GPR155: variants seen among roughly 807,000 people sequenced by gnomAD.
GPR155 encodes the protein lysosomal cholesterol signaling protein.
Under a neutral mutation model 93.1 loss-of-function variants are expected in GPR155, and 65 were observed. The ratio of observed to expected loss-of-function variants is 0.70; its 90% CI spans 0.57 to 0.86. The LOEUF is 0.86. GPR155 is among the 40% of genes least tolerant of loss of function. The pLI is 0.00. For missense variants in GPR155, 838 were observed against 1,034.8 expected, an observed-to-expected ratio of 0.81 and a Z score of 2.61; for synonymous variants, 319 against 360.1, an observed-to-expected ratio of 0.89 and a Z score of 1.29.
chr2:174,448,085 T>G (rs1026458356), intron 11 of GPR155, among the ~76,000 whole-genome samples: 4 of 152,124 alleles, frequency 2.6e-5, no homozygotes, highest in African/African-American at 7.2e-5. Context: ...GATTTAAATG[T>G]AATGTCTCAG....
At chr2:174,474,786 C>T (rs1350332030) in intron 2 of GPR155, among the ~76,000 whole-genome samples, 6 of 152,116 alleles carry the variant, frequency 3.9e-5, no homozygotes. Context: ...TCCTGGTAGA[C>T]GTGAGGGTTG....
At chr2:174,475,250 C>G (rs996336134) in intron 2 of GPR155, among the ~76,000 whole-genome samples, 12 of 126,510 alleles carry the variant, frequency 9.5e-5, no homozygotes, top group African/African-American at 2.9e-4. Context: ...AGCCGAGATC[C>G]CGCCACTGCA....
At chr2:174,465,759 C>A (rs759049747) in intron 7 of GPR155, 26 bp downstream of exon 7, 1 of 1,116,350 alleles carries the variant, frequency 9.0e-7, no homozygotes, top group Non-Finnish European at 1.4e-6. Context: ...GAACAGATCT[C>A]AATTTCCATT....
chr2:174,473,539 TAATA>T (rs1042097550), intron 2 of GPR155, among the ~76,000 whole-genome samples, 175 bp from the exon 3 acceptor site: 5 of 152,124 alleles, frequency 3.3e-5, no homozygotes, highest in African/African-American at 1.2e-4. Context: ...AAGAAAAACA[TAATA>T]AATATCATAT....
intron 14 of GPR155, among the ~76,000 whole-genome samples, chr2:174,440,978 A>G (rs929507817): frequency 2.0e-4 from 31 of 152,142 alleles, no homozygotes; most frequent in African/African-American, 7.5e-4. Flanking sequence ...GGGGCACACC[A>G]CCTACTACTT....
chr2:174,467,237 C>G (rs1687865337), intron 5 of GPR155, among the ~76,000 whole-genome samples: 1 of 151,554 alleles, frequency 6.6e-6, no homozygotes, highest in Non-Finnish European at 1.5e-5. Context: ...CAGTGGCTCA[C>G]GCCTGTAATC....
At chr2:174,440,476 T>C (rs1488124384) in intron 14 of GPR155, among the ~76,000 whole-genome samples, 2 of 152,038 alleles carry the variant, frequency 1.3e-5, no homozygotes, top group Non-Finnish European at 2.9e-5. Context: ...TACGAAACAG[T>C]TTTGTTTCAG....
Position 174,442,104 on chromosome 2 carries a change from C to A in GPR155, c.2174+15G>T. ...CACATTTACAGATACAGATTTATTT[C>A]AAAACTTAATTTACCTTCTTTTGAA... On this transcript the variant is annotated intron_variant, in intron 14 of 15. Transcript: ENST00000392552. The A allele has an allele frequency of 8.2e-7, 1 of 1,213,644 alleles. No homozygotes were observed. Among genetic ancestry groups the A allele is most frequent in the Admixed American group, 1.7e-5 (1 of 58,794 alleles). The allele number at this position is 1,213,644 out of a possible 1,614,324, so 75.2% of individuals were successfully genotyped here.
Position 174,481,889 on chromosome 2 carries a change from G to A in GPR155, c.68C>T (p.Ala23Val). The A allele has an allele frequency of 6.2e-7, 1 of 1,614,060 alleles. No individual in the cohort carries two copies. Among genetic ancestry groups the A allele is most frequent in the Non-Finnish European group, 8.5e-7 (1 of 1,179,958 alleles). Residue 23 changes from alanine to valine, a missense_variant, in exon 2 of 16, where the codon GCA becomes GTA. Physicochemically the swap from Ala to Val is moderately conservative, Grantham distance 64 (BLOSUM62 0). Transcript: ENST00000392552. The part of the protein sequence containing the change: ...AVNMTKTLPT[A>V]VTHGFNSTND... ...AGTGGAATTAAATCCATGCGTTACT[G>A]CTGTAGGCAAAGTCTTGGTCATATT...
At chr2:174,466,020 AATT>A (rs556397245) in intron 6 of GPR155, 118 bp from the exon 7 acceptor site, 82 of 580,756 alleles carry the variant, frequency 1.4e-4, no homozygotes, top group African/African-American at 1.3e-3. Context: ...CAGCAAATAT[AATT>A]ATTTGTTTAA....
chr2:174,471,587 A>G (rs1688000911), intron 3 of GPR155, among the ~76,000 whole-genome samples: 1 of 152,100 alleles, frequency 6.6e-6, no homozygotes, highest in African/African-American at 2.4e-5. Flanking sequence ...AGGATTTCAT[A>G]GAATGAGCAA....
chr2:174,466,707 C>A, intron 5 of GPR155, 80 bp from the exon 6 acceptor site: 1 of 727,606 alleles, frequency 1.4e-6, no homozygotes, highest in Admixed American at 2.5e-5. Context: ...TGATTAGCCT[C>A]TTTAAATAAC....
intron 11 of GPR155, among the ~76,000 whole-genome samples, chr2:174,447,460 TTATA>T (rs1190541371): frequency 6.8e-6 from 1 of 146,224 alleles, no homozygotes; most frequent in African/African-American, 2.5e-5. Flanking sequence ...TATATAACAA[TTATA>T]TATTATGTTA....
chr2:174,460,168 T>TC, intron 9 of GPR155, 80 bp from the exon 10 acceptor site: 4 of 1,080,676 alleles, frequency 3.7e-6, no homozygotes. Flanking sequence ...TTTTTTTTTT[T>TC]TTTTTTTTTT....
At chr2:174,472,649 T>C (rs1213729707) in intron 3 of GPR155, among the ~76,000 whole-genome samples, 1 of 152,158 alleles carries the variant, frequency 6.6e-6, no homozygotes, top group East Asian at 1.9e-4. Flanking sequence ...TTTGGAAAAG[T>C]CAGAAATGCT....
At chr2:174,478,660 A>G (rs542282183) in intron 2 of GPR155, among the ~76,000 whole-genome samples, 4 of 152,156 alleles carry the variant, frequency 2.6e-5, no homozygotes, top group Non-Finnish European at 5.9e-5. Context: ...TCATTAACTT[A>G]TATGTCTTCT....
chr2:174,463,691 A>T (rs1172331404), intron 7 of GPR155, among the ~76,000 whole-genome samples: 2 of 152,268 alleles, frequency 1.3e-5, no homozygotes, highest in Non-Finnish European at 2.9e-5. Context: ...GTTTCAAGCT[A>T]TGATTTACAT....
Position 174,435,979 on chromosome 2 carries a change from A to G in GPR155, c.*137T>C, listed in dbSNP as rs889035195. The G allele has an allele frequency of 4.5e-6, 3 of 662,252 alleles. No individual in the cohort carries two copies. The highest frequency in any genetic ancestry group is 8.0e-6 in the Non-Finnish European group (3 of 376,076). 41.0% of individuals were successfully genotyped at this position (662,252 alleles called of 1,614,324 possible). A position where few individuals can be genotyped will look rare whatever the true frequency, so the allele number is the denominator to read the frequency against. ...GACCCTGCGCATGTGGTGGGAGCAC[A>G]TCTTTTCACATTTTACAGAAGAGAC... On this transcript the variant is annotated 3_prime_UTR_variant, in exon 16 of 16. Coordinates refer to ENST00000392552, the MANE Select transcript of GPR155 (RefSeq NM_152529.7).
chr2:174,474,537 CA>C (rs570386000), intron 2 of GPR155, among the ~76,000 whole-genome samples: 92 of 151,990 alleles, frequency 6.1e-4, no homozygotes, highest in Non-Finnish European at 1.0e-3. Flanking sequence ...AGCATGTTTC[CA>C]AGTGCAAACA....
Sources: allele counts gnomAD v4.1 joint callset (sites outside exome capture counted in the v4.1 genomes callset), GRCh38; gene constraint gnomAD v4.1.1; transcripts MANE v1.5; gene names NCBI Gene and HGNC (gene_info 2026-07-23, HGNC 2026-07-21).